Variants in SREBF2 observed in about 807,000 individuals in gnomAD.
SREBF2 encodes sterol regulatory element-binding protein 2.
In SREBF2, 55 loss-of-function variants were observed where a neutral mutation model predicts 113.1. The ratio of observed to expected loss-of-function variants is 0.49; its 90% CI spans 0.39 to 0.61. The LOEUF (loss-of-function observed/expected upper bound fraction) is 0.61. Among genes scored for constraint, SREBF2 ranks in the 20% least tolerant of loss-of-function variants. SREBF2 has a pLI of 0.00. For missense variants in SREBF2, 1,349 were observed against 1,487.4 expected, an observed-to-expected ratio of 0.91 and a Z score of 1.53; for synonymous variants, 593 against 605.7, an observed-to-expected ratio of 0.98 and a Z score of 0.31.
At chr22:41,854,548 A>C (rs2076960677) in intron 1 of SREBF2, among the ~76,000 whole-genome samples, 3 of 150,824 alleles carry the variant, frequency 2.0e-5, no homozygotes, top group South Asian at 4.2e-4. Context: ...ATAGAACACA[A>C]GACATAAGAA....
intron 11 of SREBF2, among the ~76,000 whole-genome samples, chr22:41,891,664 A>G (rs1430285891): frequency 6.6e-6 from 1 of 152,198 alleles, no homozygotes; most frequent in East Asian, 1.9e-4. Flanking sequence ...CCAGACCATG[A>G]AACAGCGCTG....
intron 1 of SREBF2, among the ~76,000 whole-genome samples, chr22:41,859,576 T>C: frequency 6.6e-6 from 1 of 151,824 alleles, no homozygotes; most frequent in East Asian, 1.9e-4. Context: ...ATTCACATTT[T>C]CAAAGTAAGA....
At chr22:41,891,102 T>G (rs2077357130) in intron 11 of SREBF2, 1 of 152,058 alleles carries the variant, frequency 6.6e-6, no homozygotes, top group Non-Finnish European at 1.5e-5. Flanking sequence ...CCTTGCTGAT[T>G]GGACATGTGG....
At chr22:41,887,448 T>C (rs1318955411) in intron 11 of SREBF2, among the ~76,000 whole-genome samples, 6 of 152,192 alleles carry the variant, frequency 3.9e-5, no homozygotes, top group Non-Finnish European at 1.5e-5. Flanking sequence ...CCTCAGATGC[T>C]TTGCCTCTGT....
chr22:41,870,306 C>T (rs1360537628), intron 3 of SREBF2, among the ~76,000 whole-genome samples: 1 of 152,212 alleles, frequency 6.6e-6, no homozygotes, highest in African/African-American at 2.4e-5. Context: ...TGGCACCACC[C>T]TCTTGAAAGT....
At chr22:41,856,797 G>A (rs751308659) in intron 1 of SREBF2, among the ~76,000 whole-genome samples, 8 of 152,138 alleles carry the variant, frequency 5.3e-5, no homozygotes, top group Non-Finnish European at 8.8e-5. Flanking sequence ...ATTAAGGGCC[G>A]GGCACGGTGG....
chr22:41,872,203 T>C (rs2077150744), intron 4 of SREBF2, among the ~76,000 whole-genome samples: 1 of 150,162 alleles, frequency 6.7e-6, no homozygotes, highest in African/African-American at 2.5e-5. Flanking sequence ...TGAGCCAAGA[T>C]TGCGCCACTG....
chr22:41,901,669 A>G (rs546619133), intron 16 of SREBF2, among the ~76,000 whole-genome samples: 2 of 152,294 alleles, frequency 1.3e-5, no homozygotes, highest in East Asian at 1.9e-4. Context: ...TTTAAAAAAA[A>G]GCTGGTGGGG....
intron 13 of SREBF2, among the ~76,000 whole-genome samples, chr22:41,896,348 T>C (rs1353400625): frequency 6.6e-6 from 1 of 152,018 alleles, no homozygotes; most frequent in Non-Finnish European, 1.5e-5. Context: ...TGTTTTTTGT[T>C]ATTTTTGTTT....
Position 41,905,867 on chromosome 22 carries a change from TGA to T in SREBF2, c.*211_*212del, listed in dbSNP as rs2146566812. ...CCCATGGTCCAGGGCCTGGTGGGCG[TGA>T]GAGGATAGGTGGCAGGGCAGAAACT... On this transcript the variant is annotated 3_prime_UTR_variant, in exon 19 of 19. Transcript: ENST00000361204. 1.4e-6 allele frequency: 1 copy of T among 717,298 alleles called. No homozygotes were observed. The highest frequency in any genetic ancestry group is 2.7e-5 in the East Asian group (1 of 36,876). The allele number at this position is 717,298 out of a possible 1,614,324, so 44.4% of individuals were successfully genotyped here. A position where few individuals can be genotyped will look rare whatever the true frequency, so the allele number is the denominator to read the frequency against.
rs530336429 is a variant in SREBF2, at chr22:41,891,764, C to T, written c.2209-1353C>T. Among the ~76,000 whole-genome samples the T allele has an allele frequency of 3.9e-5, 6 of 152,352 alleles. No homozygotes were observed. The South Asian group carries it at 1.2e-3, about 32-fold the overall frequency. ...CCCCTGGGCTCCCTGGGCTTTCTAT[C>T]TTATGCTTCTCCCTCCCTCCTGTCT... On this transcript the variant is annotated intron_variant, in intron 11 of 18. Transcript: ENST00000361204.
intron 16 of SREBF2, among the ~76,000 whole-genome samples, chr22:41,901,173 C>T (rs1429760516): frequency 1.3e-5 from 2 of 152,140 alleles, no homozygotes; most frequent in Non-Finnish European, 1.5e-5. Flanking sequence ...ACCTGGTCTA[C>T]GGGGAACATG....
In SREBF2 at chr22:41,835,387, C is replaced by G. The variant is rs530376277; in HGVS notation, c.88+2029C>G. 1.6e-3 allele frequency among the ~76,000 whole-genome samples: 232 copies of G among 147,326 alleles called. 2 individuals carry two copies. In the South Asian group the frequency reaches 0.049, roughly 31 times the overall value. ...GTGCAATGGCGCGATCTCGGCTCAC[C>G]GCAACCTCCACCTCCCGAGTTCAGG... On this transcript the variant is annotated intron_variant, in intron 1 of 18. Coordinates refer to ENST00000361204, the MANE Select transcript of SREBF2 (RefSeq NM_004599.4).
chr22:41,879,035 T>C (rs1264163109), intron 9 of SREBF2, among the ~76,000 whole-genome samples: 1 of 152,184 alleles, frequency 6.6e-6, no homozygotes. Context: ...TAGGGTGCTC[T>C]TTTTTAAGTA....
At chr22:41,861,284 C>T (rs912001010) in intron 1 of SREBF2, among the ~76,000 whole-genome samples, 8 of 151,772 alleles carry the variant, frequency 5.3e-5, no homozygotes, top group Admixed American at 4.6e-4. Context: ...CAGTTCGAGA[C>T]GAGCCTGTCC....
At chr22:41,870,089 C>T (rs900844679) in intron 3 of SREBF2, among the ~76,000 whole-genome samples, 30 of 152,086 alleles carry the variant, frequency 2.0e-4, no homozygotes, top group Non-Finnish European at 3.7e-4. Flanking sequence ...CTCCTGACCT[C>T]ATGATCCACC....
At chr22:41,849,866 T>G (rs1383085278) in intron 1 of SREBF2, among the ~76,000 whole-genome samples, 1 of 152,088 alleles carries the variant, frequency 6.6e-6, no homozygotes, top group Non-Finnish European at 1.5e-5. Context: ...GGGCCGGGCT[T>G]GGTGACTCAC....
chr22:41,850,449 C>CA (rs766008584), intron 1 of SREBF2, among the ~76,000 whole-genome samples: 16,911 of 123,986 alleles, frequency 0.14, 1,217 homozygotes, highest in South Asian at 0.21. Flanking sequence ...GACTCCATCT[C>CA]AAAAAAAAAA....
chr22:41,886,967 G>A (rs937272795), intron 11 of SREBF2, among the ~76,000 whole-genome samples: 2 of 152,212 alleles, frequency 1.3e-5, no homozygotes, highest in African/African-American at 4.8e-5. Context: ...CCAGGAGGTG[G>A]AGGGTGCATT....
Sources: gnomAD v4.1 joint callset for allele counts (sites outside exome capture counted in the v4.1 genomes callset) on GRCh38, gnomAD v4.1.1 for gene constraint, MANE v1.5 for transcripts, NCBI Gene and HGNC (gene_info 2026-07-23, HGNC 2026-07-21) for gene names.